The following DLG2 variants were observed in gnomAD, a reference collection of about 807,000 sequenced individuals.
DLG2 encodes the protein discs large MAGUK scaffold protein 2.
A neutral mutation model predicts 132.5 loss-of-function variants in DLG2; 45 were observed. The observed-to-expected ratio is 0.34, with a 90% CI of 0.27 to 0.44. The LOEUF is 0.44. Ranked by LOEUF, DLG2 falls within the 20% of genes least tolerant of loss-of-function variation. The probability of loss-of-function intolerance (pLI) is 1.00; values close to 1 mark genes in which losing one functional copy is unlikely to be tolerated. For synonymous variants in DLG2, 424 were observed against 419.6 expected (o/e 1.01, Z -0.13); for missense variants, 1,045 against 1,196.9 (o/e 0.87, Z 1.87).
intron 3 of DLG2, among the ~76,000 whole-genome samples, chr11:85,299,810 G>A (rs1308409426): frequency 2.0e-5 from 3 of 152,138 alleles, no homozygotes; most frequent in Non-Finnish European, 4.4e-5. Flanking sequence ...TGGTGTTGCT[G>A]GTCCAGGGAC....
intron 18 of DLG2, among the ~76,000 whole-genome samples, chr11:83,766,389 G>A (rs924149859): frequency 6.8e-6 from 1 of 147,872 alleles, no homozygotes; most frequent in Admixed American, 6.7e-5. Flanking sequence ...CACCATGCCT[G>A]GCCTGCCTTT....
chr11:83,824,304 T>C (rs554549494), intron 17 of DLG2, among the ~76,000 whole-genome samples: 1 of 152,138 alleles, frequency 6.6e-6, no homozygotes, highest in Non-Finnish European at 1.5e-5. Context: ...ATGTGGTCCC[T>C]GGAACTTACC....
At chr11:84,125,057 T>G (rs2154209734) in intron 9 of DLG2, among the ~76,000 whole-genome samples, 1 of 151,746 alleles carries the variant, frequency 6.6e-6, no homozygotes, top group South Asian at 2.1e-4. Flanking sequence ...TCTATGTTAG[T>G]CAGGCTGATC....
At chr11:85,060,108 C>G (rs747892037) in intron 6 of DLG2, among the ~76,000 whole-genome samples, 31 of 151,604 alleles carry the variant, frequency 2.0e-4, no homozygotes, top group Middle Eastern at 6.8e-3. Context: ...TTCCCTCTCT[C>G]TCCAGCCCCT....
At chr11:84,178,593 C>A (rs193098921) in intron 8 of DLG2, among the ~76,000 whole-genome samples, 22 of 152,212 alleles carry the variant, frequency 1.4e-4, no homozygotes, top group Admixed American at 1.2e-3. Flanking sequence ...TTCCCTGGCC[C>A]ACTCACAAAT....
chr11:83,599,631 G>T (rs1006525001), intron 19 of DLG2, among the ~76,000 whole-genome samples: 1 of 152,020 alleles, frequency 6.6e-6, no homozygotes, highest in African/African-American at 2.4e-5. Context: ...TAATACTGTG[G>T]AATTACCTGT....
intron 6 of DLG2, among the ~76,000 whole-genome samples, chr11:84,843,335 A>G (rs1203372641): frequency 6.6e-6 from 1 of 151,502 alleles, no homozygotes; most frequent in Non-Finnish European, 1.5e-5. Flanking sequence ...GATCTGTCTT[A>G]AATTCTTATT....
At chr11:84,708,445 A>T (rs1202508328) in intron 6 of DLG2, among the ~76,000 whole-genome samples, 1 of 151,918 alleles carries the variant, frequency 6.6e-6, no homozygotes, top group African/African-American at 2.4e-5. Context: ...CACTTTCTCT[A>T]AGACCGTTTT....
chr11:84,812,798 C>T (rs1286015334), intron 6 of DLG2, among the ~76,000 whole-genome samples: 2 of 152,116 alleles, frequency 1.3e-5, no homozygotes, highest in Non-Finnish European at 2.9e-5. Context: ...TCTTTGAGAA[C>T]ACACAACATT....
intron 11 of DLG2, among the ~76,000 whole-genome samples, chr11:84,036,756 TAGG>T (rs140834566): frequency 0.016 from 2,504 of 152,224 alleles, 68 homozygotes; most frequent in African/African-American, 0.056. Flanking sequence ...ACTAAGCTAA[TAGG>T]AGAAGTAACT....
At chr11:84,666,015 T>C (rs1432806869) in intron 6 of DLG2, among the ~76,000 whole-genome samples, 3 of 152,184 alleles carry the variant, frequency 2.0e-5, no homozygotes, top group Admixed American at 6.6e-5. Context: ...TTCTCTAGCA[T>C]GTGTTGCCCT....
At chr11:85,000,333 T>A (rs1042019257) in intron 6 of DLG2, among the ~76,000 whole-genome samples, 1 of 152,208 alleles carries the variant, frequency 6.6e-6, no homozygotes, top group African/African-American at 2.4e-5. Context: ...TTTCTGGTAT[T>A]TAATCCACTA....
chr11:83,478,482 T>C (rs149820168), intron 22 of DLG2, among the ~76,000 whole-genome samples: 25 of 152,178 alleles, frequency 1.6e-4, no homozygotes, highest in South Asian at 1.2e-3. Context: ...CAACTAGTAT[T>C]TAGAGTAAAA....
chr11:85,495,917 G>C (rs1448466711), intron 3 of DLG2, among the ~76,000 whole-genome samples: 1 of 152,158 alleles, frequency 6.6e-6, no homozygotes, highest in Non-Finnish European at 1.5e-5. Flanking sequence ...AAGAAAATGT[G>C]GCACATGATT....
intron 6 of DLG2, among the ~76,000 whole-genome samples, chr11:84,603,863 A>T (rs2099580939): frequency 6.6e-6 from 1 of 151,966 alleles, no homozygotes; most frequent in South Asian, 2.1e-4. Context: ...CATGGAGCTT[A>T]TATTCTAGTA....
At chr11:84,400,452 T>A (rs979025943) in intron 7 of DLG2, among the ~76,000 whole-genome samples, 1 of 152,146 alleles carries the variant, frequency 6.6e-6, no homozygotes, top group African/African-American at 2.4e-5. Context: ...TCAAATCTAG[T>A]TCTCTTTTCA....
rs1030907111 is a variant in DLG2, at chr11:84,143,153, G to A, written c.624+20308C>T. On this transcript the variant is annotated intron_variant, in intron 9 of 27. Transcript: ENST00000376104. ...GTGCCAGGTGCTGGGAATATAAGGC[G>A]AATAAAATATGATGCTCATTTTTTA... 2.1e-4 allele frequency among the ~76,000 whole-genome samples: 31 copies of A among 149,094 alleles called. 1 individual carries two copies. Among genetic ancestry groups the A allele is most frequent in the South Asian group, 8.8e-4 (4 of 4,566 alleles).
chr11:85,000,964 T>C (rs1428023462), intron 6 of DLG2, among the ~76,000 whole-genome samples: 1 of 152,152 alleles, frequency 6.6e-6, no homozygotes, highest in East Asian at 1.9e-4. Flanking sequence ...TGGAACACTG[T>C]ATTGAGAATA....
intron 18 of DLG2, chr11:83,681,933 T>G (rs2078892759): frequency 1.2e-5 from 2 of 162,454 alleles, no homozygotes; most frequent in Admixed American, 1.3e-4. Flanking sequence ...CTGAGAAACT[T>G]TAGCAACCAA....
Sources: allele counts gnomAD v4.1 joint callset (sites outside exome capture counted in the v4.1 genomes callset), GRCh38; gene constraint gnomAD v4.1.1; transcripts MANE v1.5; gene names NCBI Gene and HGNC (gene_info 2026-07-23, HGNC 2026-07-21).